The following GPC5 variants were observed in gnomAD, a reference collection of about 807,000 sequenced individuals.
The protein encoded by GPC5 is glypican 5, also known as glypican-5.
A neutral mutation model predicts 53.9 loss-of-function variants in GPC5; 47 were observed. That is an observed-to-expected ratio of 0.87 (90% CI 0.69 to 1.11). The LOEUF is 1.11. GPC5 is among the 50% of genes most tolerant of loss of function. GPC5 has a pLI of 0.00. For synonymous variants in GPC5, 286 were observed against 263.3 expected (o/e 1.09, Z -0.84); for missense variants, 748 against 713.1 (o/e 1.05, Z -0.56).
chr13:92,414,637 A>C (rs943249520), intron 7 of GPC5, among the ~76,000 whole-genome samples: 3 of 152,192 alleles, frequency 2.0e-5, no homozygotes, highest in African/African-American at 7.2e-5. Flanking sequence ...ATCAAAGATG[A>C]GTATGGGTGT....
In GPC5 at chr13:92,810,971, C is replaced by T. The variant is rs535329772; in HGVS notation, c.1562-55311C>T. On this transcript the variant is annotated intron_variant, in intron 7 of 7. Coordinates refer to ENST00000377067, the MANE Select transcript of GPC5 (RefSeq NM_004466.6). ...TCCTGACCTCATGATCTGCCTGATTCGGCCTCCCAAAGTGCTGGGATTGCA... is the reference window on the plus strand; with the variant it reads ...TCCTGACCTCATGATCTGCCTGATTTGGCCTCCCAAAGTGCTGGGATTGCA... Among the ~76,000 whole-genome samples, 50 of 152,060 alleles carry T rather than the reference C, an allele frequency of 3.3e-4. 1 individual carries two copies. Among genetic ancestry groups the T allele is most frequent in the South Asian group, 1.2e-3 (6 of 4,822 alleles).
At chr13:92,517,924 C>A (rs1880861002) in intron 7 of GPC5, among the ~76,000 whole-genome samples, 1 of 152,130 alleles carries the variant, frequency 6.6e-6, no homozygotes, top group South Asian at 2.1e-4. Context: ...AGTTAAAAAC[C>A]TTGAAAAAAG....
At chr13:91,595,915 A>G (rs1289335717) in intron 2 of GPC5, among the ~76,000 whole-genome samples, 1 of 152,180 alleles carries the variant, frequency 6.6e-6, no homozygotes, top group Non-Finnish European at 1.5e-5. Flanking sequence ...CTGATTATCT[A>G]TCTACTATTC....
At chr13:92,537,049 A>G (rs956076207) in intron 7 of GPC5, among the ~76,000 whole-genome samples, 9 of 152,196 alleles carry the variant, frequency 5.9e-5, no homozygotes, top group Admixed American at 3.3e-4. Context: ...TTAGCTTACA[A>G]TTAAGGGGTA....
intron 7 of GPC5, among the ~76,000 whole-genome samples, chr13:92,253,244 T>C (rs1293262369): frequency 6.6e-6 from 1 of 152,062 alleles, no homozygotes; most frequent in Non-Finnish European, 1.5e-5. Context: ...AGTGAGCGTT[T>C]TAACCAGACT....
intron 6 of GPC5, among the ~76,000 whole-genome samples, chr13:91,993,393 T>C (rs1250117201): frequency 6.6e-6 from 1 of 152,120 alleles, no homozygotes; most frequent in Admixed American, 6.5e-5. Context: ...CCCTGAATTA[T>C]GGTTCTTTTT....
chr13:92,126,953 A>G (rs1405698272), intron 6 of GPC5, among the ~76,000 whole-genome samples: 3 of 152,124 alleles, frequency 2.0e-5, no homozygotes, highest in Admixed American at 6.6e-5. Context: ...CTCCATCAAT[A>G]TTTAAGTGCA....
At chr13:91,904,833 A>G (rs2039536637) in intron 5 of GPC5, among the ~76,000 whole-genome samples, 1 of 152,094 alleles carries the variant, frequency 6.6e-6, no homozygotes, top group Admixed American at 6.6e-5. Flanking sequence ...GCACTGGAGC[A>G]TGAAGTACAG....
intron 7 of GPC5, among the ~76,000 whole-genome samples, chr13:92,720,954 A>C (rs906979158): frequency 1.3e-5 from 2 of 152,054 alleles, no homozygotes; most frequent in African/African-American, 4.8e-5. Flanking sequence ...GATTTGTGGC[A>C]ATTTCCTTTC....
chr13:92,737,885 G>A (rs1484031836), intron 7 of GPC5, among the ~76,000 whole-genome samples: 1 of 146,830 alleles, frequency 6.8e-6, no homozygotes, highest in East Asian at 2.1e-4. Flanking sequence ...TCCTGCCTCA[G>A]CCTGCTGTGT....
chr13:92,680,901 C>T (rs184046466), intron 7 of GPC5, among the ~76,000 whole-genome samples: 1 of 152,280 alleles, frequency 6.6e-6, no homozygotes, highest in East Asian at 1.9e-4. Flanking sequence ...CTTCTTCAGA[C>T]CCGTGCATCC....
chr13:91,538,737 G>A (rs9589284), intron 2 of GPC5, among the ~76,000 whole-genome samples: 2 of 151,678 alleles, frequency 1.3e-5, no homozygotes, highest in Non-Finnish European at 2.9e-5. Flanking sequence ...TGCCCGCCAC[G>A]ACGCTGGGCT....
intron 2 of GPC5, among the ~76,000 whole-genome samples, chr13:91,468,226 G>A (rs559776630): frequency 1.9e-4 from 29 of 151,962 alleles, no homozygotes; most frequent in East Asian, 5.8e-4. Flanking sequence ...TATTCACAGC[G>A]GAACATAGAT....
Position 92,490,537 on chromosome 13 carries a change from T to C in GPC5, c.1561+345548T>C, listed in dbSNP as rs183292800. On this transcript the variant is annotated intron_variant, in intron 7 of 7. Transcript: ENST00000377067. ...GCTCTACCACTTAATGGTTGTATAA[T>C]AGTAAACACTTTGGTAAGCCTCAGT... Among the ~76,000 whole-genome samples the C allele has an allele frequency of 9.2e-5, 14 of 152,232 alleles. No individual in the cohort carries two copies. In the East Asian group the frequency reaches 2.7e-3, roughly 29 times the overall value.
chr13:92,048,004 A>AT (rs1340808133), intron 6 of GPC5, among the ~76,000 whole-genome samples: 1 of 151,858 alleles, frequency 6.6e-6, no homozygotes, highest in Non-Finnish European at 1.5e-5. Context: ...AGAAAAAAAA[A>AT]GCGGTATTAC....
intron 3 of GPC5, among the ~76,000 whole-genome samples, chr13:91,710,504 AAAT>A (rs904620845): frequency 9.9e-5 from 15 of 152,260 alleles, no homozygotes; most frequent in Admixed American, 9.8e-4. Flanking sequence ...GGCAAGAGAA[AAAT>A]AATAAATATT....
intron 5 of GPC5, among the ~76,000 whole-genome samples, chr13:91,781,813 A>C (rs1412902489): frequency 6.6e-6 from 1 of 152,330 alleles, no homozygotes; most frequent in South Asian, 2.1e-4. Flanking sequence ...ATCTCACTTC[A>C]GTAATCTACT....
intron 2 of GPC5, among the ~76,000 whole-genome samples, chr13:91,538,937 G>A (rs1171522941): frequency 6.6e-6 from 1 of 151,340 alleles, no homozygotes; most frequent in African/African-American, 2.4e-5. Flanking sequence ...ATTTTTGTCT[G>A]GTTGGAAACA....
intron 2 of GPC5, among the ~76,000 whole-genome samples, chr13:91,453,804 T>C (rs1022075603): frequency 2.8e-4 from 43 of 152,180 alleles, no homozygotes; most frequent in African/African-American, 1.0e-3. Flanking sequence ...TCCTTCTTCC[T>C]TTCTTTTATT....
Sources: gnomAD v4.1 joint callset for allele counts (sites outside exome capture counted in the v4.1 genomes callset) on GRCh38, gnomAD v4.1.1 for gene constraint, MANE v1.5 for transcripts, NCBI Gene and HGNC (gene_info 2026-07-23, HGNC 2026-07-21) for gene names.